The following SLC12A7 variants were observed in gnomAD, a reference collection of about 807,000 sequenced individuals.
SLC12A7 encodes solute carrier family 12 member 7, also known as K-Cl cotransporter 4.
Under a neutral mutation model 120.6 loss-of-function variants are expected in SLC12A7, and 100 were observed. That is an observed-to-expected ratio of 0.83 (90% confidence interval 0.71 to 0.98). The LOEUF (loss-of-function observed/expected upper bound fraction) is 0.98. Ranked by LOEUF, SLC12A7 falls within the 50% of genes least tolerant of loss-of-function variation. The pLI, the probability that SLC12A7 is intolerant of heterozygous loss-of-function variation, is 0.00. For missense variants in SLC12A7, 1,373 were observed against 1,548.1 expected, an observed-to-expected ratio of 0.89 and a Z score of 1.90; for synonymous variants, 760 against 678.0, an observed-to-expected ratio of 1.12 and a Z score of -1.88.
At chr5:1,055,252 C>T (rs111378768) in intron 22 of SLC12A7, among the ~76,000 whole-genome samples, 1,815 of 152,326 alleles carry the variant, frequency 0.012, 28 homozygotes, top group East Asian at 0.043. Context: ...TGTGCAAATG[C>T]GTGCAGACAC....
rs1430325556 is a variant in SLC12A7, at chr5:1,050,648, A to G, written c.*1712T>C. The stretch of plus-strand genomic sequence containing the variant: ...CCAACCAACGTTCAGAGCCAGCACC[A>G]TGTGGCCGCTGTGCCTCTAGCCTGC... On this transcript the variant is annotated 3_prime_UTR_variant, in exon 24 of 24. Coordinates refer to ENST00000264930, the MANE Select transcript of SLC12A7 (RefSeq NM_006598.3). 2 of 387,284 alleles carry G rather than the reference A, an allele frequency of 5.2e-6. No individual in the cohort carries two copies. The highest frequency in any genetic ancestry group is 9.1e-6 in the Non-Finnish European group (2 of 219,528). The allele number at this position is 387,284 out of a possible 1,614,324, so 24.0% of individuals were successfully genotyped here.
chr5:1,084,045 G>T, intron 7 of SLC12A7, 89 bp from the exon 8 acceptor site: 2 of 1,159,114 alleles, frequency 1.7e-6, no homozygotes, highest in Non-Finnish European at 2.5e-6. Flanking sequence ...CACCCATGGT[G>T]TCGCCCGCGA....
chr5:1,138,617 C>T, the SLC12A7 span, among the ~76,000 whole-genome samples: 417 of 152,324 alleles, frequency 2.7e-3, no homozygotes, highest in African/African-American at 9.0e-3. Flanking sequence ...GCGACTTCAG[C>T]TGGAGATCTT....
Position 1,086,941 on chromosome 5 carries a change from C to T in SLC12A7, c.637G>A (p.Gly213Arg). 2 of 1,612,926 alleles carry T rather than the reference C, an allele frequency of 1.2e-6. No individual in the cohort carries two copies. The highest frequency in any genetic ancestry group is 1.7e-6 in the Non-Finnish European group (2 of 1,180,008). The change falls in exon 6 of 24, where the codon GGG (glycine) becomes AGG (arginine). Residue 213 changes from glycine to arginine, a missense_variant. Coordinates refer to ENST00000264930, the MANE Select transcript of SLC12A7 (RefSeq NM_006598.3). ...ATGGTCCCCAAAATATACATGGCCC[C>T]TGCAAACGTCGTGCCCAGGTAGAAG... The part of the protein sequence containing the change: ...LCFYLGTTFA[G>R]AMYILGTIEI...
chr5:1,081,740 G>A lies in SLC12A7; in HGVS notation c.1134C>T (p.Asn378=), dbSNP rs148022833. The A allele has an allele frequency of 0.012, 19,416 of 1,610,870 alleles. 136 individuals are homozygous for A. Among genetic ancestry groups the A allele is most frequent in the Non-Finnish European group, 0.014 (16,605 of 1,178,394 alleles). ...PGAASGVFLE[N]LWSTYAHAGA... is the part of the protein sequence containing the mutation. Reference sequence around the variant, plus strand: ...CCGCGTGCGCGTACGTACTCCACAGGTTCTCTGCCGGGCAAGGAAGATCCC... The same window carrying A: ...CCGCGTGCGCGTACGTACTCCACAGATTCTCTGCCGGGCAAGGAAGATCCC... Residue 378 remains asparagine (N), a synonymous_variant, in exon 9 of 24, where the codon AAC becomes AAT. Transcript: ENST00000264930.
chr5:1,098,761 C>CCCCTCTAACCCTCTGCTCACCCAGCCA, intron 1 of SLC12A7, among the ~76,000 whole-genome samples: 2 of 118,414 alleles, frequency 1.7e-5, no homozygotes, highest in South Asian at 2.9e-4. Flanking sequence ...ACACCCAGCC[C>CCCCTCTAACCCTCTGCTCACCCAGCCA]CCCTCTAACC....
intron 20 of SLC12A7, among the ~76,000 whole-genome samples, chr5:1,061,123 C>A (rs59384289): frequency 8.2e-5 from 3 of 36,542 alleles, no homozygotes; most frequent in African/African-American, 1.3e-4. Flanking sequence ...CCGCACCCGC[C>A]GTGCGGGACC....
At chr5:1,128,018 C>T in the SLC12A7 span, among the ~76,000 whole-genome samples, 6 of 152,314 alleles carry the variant, frequency 3.9e-5, no homozygotes, top group East Asian at 5.8e-4. Flanking sequence ...TGGTGACAGG[C>T]GCGTGATCTC....
intron 1 of SLC12A7, among the ~76,000 whole-genome samples, chr5:1,095,021 G>GGC (rs771836050): frequency 0.29 from 35,254 of 120,950 alleles, 6,160 homozygotes; most frequent in Non-Finnish European, 0.41. Context: ...GGAGGTGGGG[G>GGC]CGGTAGGAGG....
intron 22 of SLC12A7, among the ~76,000 whole-genome samples, chr5:1,055,646 C>T (rs963777682): frequency 4.6e-5 from 7 of 152,352 alleles, no homozygotes; most frequent in Admixed American, 3.9e-4. Flanking sequence ...GCCCCCGCCC[C>T]GACCAAGGGG....
At chr5:1,151,875 G>A in the SLC12A7 span, among the ~76,000 whole-genome samples, 1 of 152,166 alleles carries the variant, frequency 6.6e-6, no homozygotes, top group East Asian at 1.9e-4. The surrounding 1 kb of genome is among the most constrained non-coding windows in gnomAD (Gnocchi z 6.2). Flanking sequence ...GGGTCTGGGG[G>A]CACGCCAGGT....
the SLC12A7 span, among the ~76,000 whole-genome samples, chr5:1,136,192 C>T: frequency 7.2e-5 from 11 of 152,304 alleles, no homozygotes; most frequent in Non-Finnish European, 1.3e-4. Context: ...CGGCTTTGTC[C>T]TCCCAAGGAA....
chr5:1,128,918 C>T, the SLC12A7 span, among the ~76,000 whole-genome samples: 2 of 152,240 alleles, frequency 1.3e-5, no homozygotes, highest in African/African-American at 2.4e-5. Flanking sequence ...CCCTCAGTCA[C>T]GCGGCTCCCT....
upstream of SLC12A7, among the ~76,000 whole-genome samples, chr5:1,116,412 G>C (rs543023858): frequency 3.9e-5 from 6 of 152,336 alleles, no homozygotes; most frequent in Non-Finnish European, 7.4e-5. Flanking sequence ...GTGCCTGCTG[G>C]GCAGGGGTAC....
chr5:1,145,026 G>T, the SLC12A7 span, among the ~76,000 whole-genome samples: 9 of 152,386 alleles, frequency 5.9e-5, no homozygotes, highest in East Asian at 1.7e-3. The surrounding 1 kb of genome is among the most constrained non-coding windows in gnomAD (Gnocchi z 4.4). Context: ...GCCGGGGCTG[G>T]GGAAGGAGCA....
At chr5:1,078,254 G>A (rs1738595792) in intron 11 of SLC12A7, among the ~76,000 whole-genome samples, 1 of 152,158 alleles carries the variant, frequency 6.6e-6, no homozygotes, top group Non-Finnish European at 1.5e-5. Context: ...CTTGGGAGCA[G>A]GGAAGACCCA....
At chr5:1,153,669 T>C in the SLC12A7 span, among the ~76,000 whole-genome samples, 1 of 152,178 alleles carries the variant, frequency 6.6e-6, no homozygotes, top group African/African-American at 2.4e-5. Flanking sequence ...AAACAAGGCC[T>C]GAGGACGCCC....
At chr5:1,057,374 C>T (rs1490672456) in intron 22 of SLC12A7, 97 bp downstream of exon 22, 26 of 1,326,518 alleles carry the variant, frequency 2.0e-5, no homozygotes, top group Non-Finnish European at 2.5e-5. Flanking sequence ...AGGGTTGCCC[C>T]GAAGCTCTTC....
At chr5:1,069,434 C>A (rs1188456691) in intron 17 of SLC12A7, among the ~76,000 whole-genome samples, 2 of 152,232 alleles carry the variant, frequency 1.3e-5, no homozygotes, top group African/African-American at 4.8e-5. Context: ...GATGCCTGGA[C>A]ACACCCACAA....
Sources: gnomAD v4.1 joint callset for allele counts (sites outside exome capture counted in the v4.1 genomes callset) on GRCh38, gnomAD v4.1.1 for gene constraint, Gnocchi (gnomAD v3.1) non-coding constraint, MANE v1.5 for transcripts, NCBI Gene and HGNC (gene_info 2026-07-23, HGNC 2026-07-21) for gene names.